The following GRAMD4 variants were observed in gnomAD, a reference collection of about 807,000 sequenced individuals.
The protein encoded by GRAMD4 is GRAM domain containing 4.
In GRAMD4, 25 loss-of-function variants were observed where a neutral mutation model predicts 83.9. That is an observed-to-expected ratio of 0.30 (90% CI 0.22 to 0.42). The LOEUF is 0.42. GRAMD4 is among the 10% of genes least tolerant of loss of function. The probability of loss-of-function intolerance (pLI) is 1.00; values close to 1 mark genes in which losing one functional copy is unlikely to be tolerated. For missense variants in GRAMD4, 593 were observed against 788.7 expected (o/e 0.75, Z 2.97); for synonymous variants, 336 against 320.9 (o/e 1.05, Z -0.50).
chr22:46,639,153 AGTGTGTGT>A (rs3081630), intron 3 of GRAMD4, among the ~76,000 whole-genome samples: 6 of 149,726 alleles, frequency 4.0e-5, no homozygotes, highest in Admixed American at 1.3e-4. Flanking sequence ...TGTGTGCGTG[AGTGTGTGT>A]GTGTGTGTGT....
chr22:46,620,259 G>T, upstream of GRAMD4: 25 of 971,008 alleles, frequency 2.6e-5, no homozygotes, highest in Non-Finnish European at 3.1e-5. The surrounding 1 kb of genome is among the most constrained non-coding windows in gnomAD (Gnocchi z 4.7). Context: ...TTGTGTTCCA[G>T]GGCTGGCTGG....
rs770317438 is a variant in GRAMD4 at position 46,665,617 on chromosome 22, G to A, written c.720G>A (p.Val240=). Residue 240 remains valine, a splice_region_variant and synonymous_variant, in exon 9 of 19, where the codon GTG becomes GTA. Transcript: ENST00000406902. ...GACGCCCTGTCTCTCACCCGCAGGT[G>A]TACATGAATGCCGTGTGGCATGGCT... ...SVYTSAIAFT[V]YMNAVWHGWA... The A allele has an allele frequency of 2.6e-6, 4 of 1,566,728 alleles. No individual in the cohort carries two copies. The South Asian group carries it at 4.4e-5, about 17-fold the overall frequency.
At chr22:46,589,628 TC>T (rs2081186959) in intron 1 of GRAMD4, among the ~76,000 whole-genome samples, 1 of 152,060 alleles carries the variant, frequency 6.6e-6, no homozygotes, top group Non-Finnish European at 1.5e-5. Context: ...GTCTGAGAGT[TC>T]CCAGCTCTGC....
chr22:46,595,719 AG>A (rs1240075093), intron 1 of GRAMD4, among the ~76,000 whole-genome samples: 1 of 152,220 alleles, frequency 6.6e-6, no homozygotes, highest in Non-Finnish European at 1.5e-5. Flanking sequence ...GCGGCCGGTC[AG>A]GGGGCCAAGA....
chr22:46,650,433 AGCATTGAGGCTGG>A (rs71315164), intron 3 of GRAMD4, among the ~76,000 whole-genome samples: 13,334 of 150,700 alleles, frequency 0.088, 778 homozygotes, highest in African/African-American at 0.16. Flanking sequence ...TGGAGGGCTG[AGCATTGAGGCTGG>A]GTGGACGGCT....
Position 46,666,858 on chromosome 22 carries a change from A to C in GRAMD4, c.843A>C (p.Glu281Asp), listed in dbSNP as rs1452642755. 1 of 1,602,854 alleles carries C rather than the reference A, an allele frequency of 6.2e-7. No individual in the cohort carries two copies. The highest frequency in any genetic ancestry group is 1.3e-5 in the African/African-American group (1 of 74,366). ...GWRIQWSIVPEVSEPVEPPKE... is the reference protein window; with the variant it reads ...GWRIQWSIVPDVSEPVEPPKE... ...GGATACAGTGGAGCATCGTGCCCGA[A>C]GTGTCTGAGCCCGTGGTAAGTCCCT... Residue 281 changes from glutamate to aspartate, a missense_variant, in exon 10 of 19, where the codon GAA becomes GAC. Physicochemically the swap from Glu to Asp is conservative, Grantham distance 45. Coordinates refer to ENST00000406902, the MANE Select transcript of GRAMD4 (RefSeq NM_015124.5).
intron 3 of GRAMD4, among the ~76,000 whole-genome samples, chr22:46,653,849 A>T (rs1223030526): frequency 2.0e-5 from 3 of 152,288 alleles, no homozygotes; most frequent in South Asian, 4.2e-4. Flanking sequence ...ACTCCGCCCA[A>T]GAGGCCTGCC....
chr22:46,654,943 C>T (rs187751451), intron 3 of GRAMD4, among the ~76,000 whole-genome samples: 10 of 152,306 alleles, frequency 6.6e-5, no homozygotes, highest in South Asian at 2.1e-4. Flanking sequence ...ACCCAGCACA[C>T]GGAGTGGGAA....
intron 1 of GRAMD4, among the ~76,000 whole-genome samples, chr22:46,593,201 C>T (rs1235945668): frequency 6.6e-6 from 1 of 152,012 alleles, no homozygotes; most frequent in Non-Finnish European, 1.5e-5. Context: ...TGTACTGAAA[C>T]GTTTAAAAAG....
rs2081599307 is a variant in GRAMD4, at chr22:46,622,975, A to AT, written c.-50+2412dup. Among the ~76,000 whole-genome samples the AT allele has an allele frequency of 6.6e-6, 1 of 152,014 alleles. No individual in the cohort carries two copies. Among genetic ancestry groups the AT allele is most frequent in the Non-Finnish European group, 1.5e-5 (1 of 68,012 alleles). On this transcript the variant is annotated intron_variant, in intron 1 of 18. Coordinates refer to ENST00000406902, the MANE Select transcript of GRAMD4 (RefSeq NM_015124.5). This position sits in a 1 kb window ranked among gnomAD's most constrained non-coding sequence, Gnocchi z 4.0. The stretch of plus-strand genomic sequence containing the variant: ...TTTATATTATGTGTGTTTTACCGTA[A>AT]TTAAAAAATATTGTGGGAAAAGAAG...
At chr22:46,641,326 A>G (rs1011116749) in intron 3 of GRAMD4, among the ~76,000 whole-genome samples, 3 of 152,042 alleles carry the variant, frequency 2.0e-5, no homozygotes, top group Admixed American at 1.3e-4. Context: ...GCCTGTGTCA[A>G]CCTTCCAAAG....
intron 13 of GRAMD4, among the ~76,000 whole-genome samples, chr22:46,669,579 CTTT>C (rs748596128): frequency 7.0e-6 from 1 of 141,962 alleles, no homozygotes. Flanking sequence ...CTCTCTCTCT[CTTT>C]TTTTTTTTTT....
In GRAMD4 at chr22:46,661,363, C is replaced by G. The variant is rs2082324210; in HGVS notation, c.405-18C>G. ...GGAACTAACAGACCTCTTGTCTCTTCTCTCCCTGCTTTTTAAGAACCGAGG... is the reference window on the plus strand; with the variant it reads ...GGAACTAACAGACCTCTTGTCTCTTGTCTCCCTGCTTTTTAAGAACCGAGG... On this transcript the variant is annotated intron_variant, in intron 4 of 18. Coordinates refer to ENST00000406902, the MANE Select transcript of GRAMD4 (RefSeq NM_015124.5). 5 of 1,609,572 alleles carry G rather than the reference C, an allele frequency of 3.1e-6. No individual in the cohort carries two copies. Among genetic ancestry groups the G allele is most frequent in the Non-Finnish European group, 4.2e-6 (5 of 1,176,762 alleles).
intron 1 of GRAMD4, among the ~76,000 whole-genome samples, chr22:46,581,748 G>A (rs545554438): frequency 5.9e-5 from 9 of 152,360 alleles, no homozygotes; most frequent in East Asian, 3.9e-4. Context: ...AGGTTGCTGC[G>A]TGGTAGAGGT....
chr22:46,658,284 G>C lies in GRAMD4; in HGVS notation c.381G>C (p.Lys127Asn). 6.2e-7 allele frequency: 1 copy of C among 1,612,306 alleles called. No homozygotes were observed. Among genetic ancestry groups the C allele is most frequent in the South Asian group, 1.1e-5 (1 of 91,014 alleles). Reference protein sequence around the residue: ...ERQRRMELEQKVQEVLKARTE... With the variant: ...ERQRRMELEQNVQEVLKARTE... ...AGCGGCGGATGGAGCTGGAGCAGAA[G>C]GTGCAGGAGGTGCTGAAGGCCAGGT... The change falls in exon 4 of 19, where the codon AAG (lysine) becomes AAC (asparagine). Residue 127 changes from lysine to asparagine, a missense_variant. By Grantham distance (94) the Lys-to-Asn change is moderately conservative. Around this residue, in one of 4 missense-constraint regions of GRAMD4, gnomAD observed 312 missense variants for 350.7 expected, o/e 0.89. Transcript: ENST00000406902.
chr22:46,602,559 A>G (rs956976981), intron 1 of GRAMD4, among the ~76,000 whole-genome samples: 7 of 151,298 alleles, frequency 4.6e-5, no homozygotes, highest in Non-Finnish European at 8.8e-5. Context: ...GCAACTTGGG[A>G]GGCTGAGGCA....
chr22:46,677,279 ATTTTCT>A lies in GRAMD4; in HGVS notation c.*51_*56del, dbSNP rs751076909. The A allele has an allele frequency of 4.3e-5, 68 of 1,569,476 alleles. No individual in the cohort carries two copies. The highest frequency in any genetic ancestry group is 1.7e-4 in the Middle Eastern group (1 of 5,840). Reference sequence around the variant, plus strand: ...TTGACTTGCCCAGGACGTTGCTGGAATTTTCTTTTTCTTTTTCTTTTTCTTTTTTTT... The same window carrying A: ...TTGACTTGCCCAGGACGTTGCTGGAATTTTCTTTTTCTTTTTCTTTTTTTT... On this transcript the variant is annotated 3_prime_UTR_variant, in exon 19 of 19. Transcript: ENST00000406902.
intron 2 of GRAMD4, among the ~76,000 whole-genome samples, chr22:46,636,236 C>G (rs979412445): frequency 2.8e-4 from 42 of 152,192 alleles, no homozygotes; most frequent in African/African-American, 7.7e-4. Context: ...TTGTGGGATC[C>G]CAGCTTCCAG....
intron 1 of GRAMD4, among the ~76,000 whole-genome samples, chr22:46,588,718 C>T (rs372237598): frequency 1.0e-4 from 13 of 125,624 alleles, no homozygotes; most frequent in East Asian, 4.1e-4. Context: ...GCCCCAGCAC[C>T]GCCCTCTCCA....
Sources: gnomAD v4.1 joint callset for allele counts (sites outside exome capture counted in the v4.1 genomes callset) on GRCh38, gnomAD v4.1.1 for gene constraint, gnomAD v4.1.1 regional missense constraint, Gnocchi (gnomAD v3.1) non-coding constraint, MANE v1.5 for transcripts, NCBI Gene and HGNC (gene_info 2026-07-23, HGNC 2026-07-21) for gene names.